Variants in SMARCA2 observed in about 807,000 individuals in gnomAD.
SMARCA2 encodes SWI/SNF related BAF chromatin remodeling complex subunit ATPase 2.
Under a neutral mutation model 199.8 loss-of-function variants are expected in SMARCA2, and 61 were observed. That is an observed-to-expected ratio of 0.31 (90% CI 0.25 to 0.38). SMARCA2 has a LOEUF of 0.38. Ranked by LOEUF, SMARCA2 falls within the 10% of genes least tolerant of loss-of-function variation. The pLI, the probability that SMARCA2 is intolerant of heterozygous loss-of-function variation, is 1.00. For missense variants in SMARCA2, 1,344 were observed against 2,012.2 expected (o/e 0.67, Z 6.35); for synonymous variants, 935 against 732.0 (o/e 1.28, Z -4.48).
intron 27 of SMARCA2, chr9:2,158,649 T>TG (rs1026004973): frequency 1.0e-5 from 3 of 296,874 alleles, no homozygotes; most frequent in African/African-American, 6.6e-5. Flanking sequence ...TAGCAAGTTT[T>TG]GGGGTTTTTT....
chr9:2,136,614 C>T (rs1380925233), intron 27 of SMARCA2, among the ~76,000 whole-genome samples: 1 of 152,078 alleles, frequency 6.6e-6, no homozygotes, highest in Non-Finnish European at 1.5e-5. Context: ...TGTGATTGGC[C>T]TGGGGAAAGC....
chr9:2,077,022 T>C (rs1821354197), intron 13 of SMARCA2, among the ~76,000 whole-genome samples: 1 of 152,218 alleles, frequency 6.6e-6, no homozygotes, highest in African/African-American at 2.4e-5. Flanking sequence ...TGCCCCACTT[T>C]AGGGACCCTT....
intron 26 of SMARCA2, among the ~76,000 whole-genome samples, chr9:2,122,919 A>G (rs1008682340): frequency 5.9e-5 from 9 of 152,198 alleles, no homozygotes; most frequent in Non-Finnish European, 1.0e-4. Context: ...TGTGGCCCTT[A>G]GTTTATTTAC....
At chr9:2,023,789 G>A (rs1029345316) in intron 1 of SMARCA2, among the ~76,000 whole-genome samples, 1 of 152,200 alleles carries the variant, frequency 6.6e-6, no homozygotes, top group Non-Finnish European at 1.5e-5. Context: ...GCTACTTCTT[G>A]TGGGTGAATT....
At position 2,077,804 on chromosome 9, in the gene SMARCA2, G is replaced by C. The variant is rs755975393; in HGVS notation, c.2184+28G>C. The stretch of plus-strand genomic sequence containing the variant: ...AATTGGCATGGTTTCAGTTTCCTTG[G>C]CAAGTTGTAACCATTTACCTAATTT... On this transcript the variant is annotated intron_variant, in intron 14 of 33. Coordinates refer to ENST00000349721, the MANE Select transcript of SMARCA2 (RefSeq NM_003070.5). The C allele has an allele frequency of 2.3e-5, 36 of 1,579,334 alleles. No individual in the cohort carries two copies. The African/African-American group carries it at 4.7e-4, about 21-fold the overall frequency.
intron 5 of SMARCA2, among the ~76,000 whole-genome samples, chr9:2,054,121 C>A (rs376348157): frequency 6.6e-6 from 1 of 152,314 alleles, no homozygotes; most frequent in East Asian, 1.9e-4. Context: ...GCTCACTGCG[C>A]TTTAATGGCT....
chr9:2,103,996 G>A lies in SMARCA2; in HGVS notation c.3126-7G>A, dbSNP rs762639607. 2.5e-6 allele frequency: 4 copies of A among 1,603,174 alleles called. No homozygotes were observed. The East Asian group carries it at 6.7e-5, about 27-fold the overall frequency. On this transcript the variant is annotated splice_polypyrimidine_tract_variant and splice_region_variant and intron_variant, in intron 22 of 33. Transcript: ENST00000349721. The stretch of plus-strand genomic sequence containing the variant: ...GTCTTCTTGTTTTTGCATTTTTTTG[G>A]GTTCAGGGCTGAACTGTATCGGGCC...
chr9:2,076,459 A>C (rs1821328082), intron 13 of SMARCA2, 130 bp downstream of exon 13: 1 of 637,408 alleles, frequency 1.6e-6, no homozygotes, highest in Non-Finnish European at 2.8e-6. Context: ...CTGTGCTCCT[A>C]GAGGTCACCA....
intron 19 of SMARCA2, 38 bp downstream of exon 19, chr9:2,088,651 C>A: frequency 7.4e-7 from 1 of 1,342,990 alleles, no homozygotes; most frequent in Non-Finnish European, 1.0e-6. Flanking sequence ...TTTTTTTTTT[C>A]CTCCAGCAAA....
intron 28 of SMARCA2, among the ~76,000 whole-genome samples, chr9:2,162,343 A>G (rs918474220): frequency 4.6e-5 from 7 of 152,190 alleles, no homozygotes; most frequent in Admixed American, 2.0e-4. Flanking sequence ...TTCATAGTAA[A>G]TACAGTTTCT....
intron 3 of SMARCA2, among the ~76,000 whole-genome samples, chr9:2,033,905 C>G (rs533619697): frequency 1.3e-5 from 2 of 152,158 alleles, no homozygotes; most frequent in Non-Finnish European, 2.9e-5. Context: ...GGATTAGGGT[C>G]TTCCCTAATG....
intron 33 of SMARCA2, 73 bp from the exon 34 acceptor site, chr9:2,192,628 TTGA>T: frequency 9.8e-7 from 1 of 1,024,842 alleles, no homozygotes; most frequent in Admixed American, 1.7e-5. Flanking sequence ...TACTGGCCTC[TTGA>T]TGGTTTGTTG....
In SMARCA2 at chr9:2,170,532, CA is replaced by C; in HGVS notation, c.4253+61del. On this transcript the variant is annotated intron_variant, in intron 29 of 33. Coordinates refer to ENST00000349721, the MANE Select transcript of SMARCA2 (RefSeq NM_003070.5). This position sits in a 1 kb window ranked among gnomAD's most constrained non-coding sequence, Gnocchi z 4.7. ...TACAGGTATCCCTCGTTACGTGAAA[CA>C]GATTGAATCATATAATCGGCCTTTG... 2.5e-6 allele frequency: 4 copies of C among 1,612,296 alleles called. No individual in the cohort carries two copies. In the South Asian group the frequency reaches 3.3e-5, roughly 13 times the overall value.
At chr9:2,064,124 C>G (rs930896688) in intron 9 of SMARCA2, among the ~76,000 whole-genome samples, 8 of 152,120 alleles carry the variant, frequency 5.3e-5, no homozygotes, top group Non-Finnish European at 8.8e-5. Flanking sequence ...CTACAGGGTA[C>G]AAAAGAGAAT....
chr9:2,129,853 C>A (rs1210744021), intron 27 of SMARCA2, among the ~76,000 whole-genome samples: 3 of 152,096 alleles, frequency 2.0e-5, no homozygotes, highest in East Asian at 3.9e-4. Flanking sequence ...GGACAAAGAC[C>A]AGACAAATTC....
intron 20 of SMARCA2, chr9:2,097,131 G>T: frequency 2.1e-6 from 1 of 487,712 alleles, no homozygotes; most frequent in East Asian, 3.4e-5. Flanking sequence ...CAGTCATGTC[G>T]CAAAGCCATA....
chr9:2,054,331 C>G (rs1451976329), intron 5 of SMARCA2, among the ~76,000 whole-genome samples: 1 of 152,200 alleles, frequency 6.6e-6, no homozygotes, highest in Non-Finnish European at 1.5e-5. Context: ...CCACTAGATG[C>G]AGGGTGAACC....
rs919056550 is a variant in SMARCA2, at chr9:2,123,641, G to A, written c.3763-78G>A. On this transcript the variant is annotated intron_variant, in intron 26 of 33. Transcript: ENST00000349721. The surrounding 1 kb of genome is among the most constrained non-coding windows in gnomAD (Gnocchi z 4.1). ...CCCTGCAGCCATAGGAAGTGACTTG[G>A]GGAAGTTGTGTAGTGCTGGGAAGTC... is the stretch of plus-strand genomic sequence containing the variant. 110 of 1,267,640 alleles carry A rather than the reference G, an allele frequency of 8.7e-5. No homozygotes were observed. The African/African-American group carries it at 1.4e-3, about 16-fold the overall frequency. 78.5% of individuals were successfully genotyped at this position (1,267,640 alleles called of 1,614,324 possible). A position where few individuals can be genotyped will look rare whatever the true frequency, so the allele number is the denominator to read the frequency against.
chr9:2,043,003 A>G (rs998154554), intron 4 of SMARCA2: 15 of 151,952 alleles, frequency 9.9e-5, no homozygotes, highest in African/African-American at 3.6e-4. Flanking sequence ...TTTTTTTTAG[A>G]TTGGCTTTTA....
Sources: gnomAD v4.1 joint callset for allele counts (sites outside exome capture counted in the v4.1 genomes callset) on GRCh38, gnomAD v4.1.1 for gene constraint, Gnocchi (gnomAD v3.1) non-coding constraint, MANE v1.5 for transcripts, NCBI Gene and HGNC (gene_info 2026-07-23, HGNC 2026-07-21) for gene names.